Variants in IGSF23 observed in about 807,000 individuals in gnomAD.
The protein encoded by IGSF23 is immunoglobulin superfamily, member 23.
IGSF23 carries 14 observed loss-of-function variants against 17.8 expected under a neutral mutation model. The observed-to-expected ratio is 0.79, with a 90% CI of 0.52 to 1.23. IGSF23 has a LOEUF of 1.23. Among genes scored for constraint, IGSF23 ranks in the 50% most tolerant of loss-of-function variants. The pLI is 0.00. For synonymous variants in IGSF23, 85 were observed against 92.5 expected, an observed-to-expected ratio of 0.92 and a Z score of 0.46; for missense variants, 214 against 241.7, an observed-to-expected ratio of 0.89 and a Z score of 0.76.
intron 1 of IGSF23, among the ~76,000 whole-genome samples, chr19:44,622,845 A>AT (rs893366043): frequency 2.0e-5 from 3 of 151,720 alleles, no homozygotes; most frequent in Admixed American, 6.6e-5. Flanking sequence ...TGCCTGGAAC[A>AT]TTTTTTTCTT....
At chr19:44,634,835 G>T (rs2123730293) in intron 3 of IGSF23, among the ~76,000 whole-genome samples, 1 of 151,688 alleles carries the variant, frequency 6.6e-6, no homozygotes, top group African/African-American at 2.4e-5. Context: ...AAAAAACCCA[G>T]GGATGTGATT....
intron 1 of IGSF23, among the ~76,000 whole-genome samples, chr19:44,615,442 G>A (rs1172555829): frequency 6.6e-6 from 1 of 151,848 alleles, no homozygotes; most frequent in African/African-American, 2.4e-5. Flanking sequence ...TGACCAACAT[G>A]GAGAAACCCC....
Position 44,622,201 on chromosome 19 carries a change from G to A in IGSF23, c.126-1506G>A, listed in dbSNP as rs141000400. On this transcript the variant is annotated intron_variant, in intron 1 of 4. Transcript: ENST00000402988. ...AGCCTGGATGAAAAAGCAAAACTCCGTTTCAAGAAAAAAAAAAAAAAAAGA... is the reference window on the plus strand; with the variant it reads ...AGCCTGGATGAAAAAGCAAAACTCCATTTCAAGAAAAAAAAAAAAAAAAGA... Among the ~76,000 whole-genome samples the A allele has an allele frequency of 7.0e-3, 997 of 142,024 alleles. 9 individuals are homozygous for A. Among genetic ancestry groups the A allele is most frequent in the African/African-American group, 0.023 (871 of 37,944 alleles). The allele number at this position is 142,024 out of a possible 152,430, so 93.2% of individuals were successfully genotyped here.
chr19:44,616,266 TTATC>T (rs1290987627), intron 1 of IGSF23, among the ~76,000 whole-genome samples: 3 of 152,148 alleles, frequency 2.0e-5, no homozygotes, highest in African/African-American at 7.2e-5. Flanking sequence ...CCCAAAGTGG[TTATC>T]TGAGTATTAG....
intron 3 of IGSF23, among the ~76,000 whole-genome samples, chr19:44,631,407 G>A (rs1972763157): frequency 6.6e-6 from 1 of 152,150 alleles, no homozygotes; most frequent in Non-Finnish European, 1.5e-5. Context: ...GGCTAACATG[G>A]TAAAACCCCA....
rs984255175 is a variant in IGSF23, at chr19:44,613,956, G to C, written c.125+186G>C. 3.9e-6 allele frequency: 6 copies of C among 1,543,356 alleles called. No individual in the cohort carries two copies. The African/African-American group carries it at 8.2e-5, about 21-fold the overall frequency. ...AGGGGTCCTCTGGACGTCAGCTCCA[G>C]CCACACCCCTACCTGGAGGAAGCTG... On this transcript the variant is annotated intron_variant, in intron 1 of 4. Transcript: ENST00000402988.
At position 44,627,433 on chromosome 19, in the gene IGSF23, G is replaced by A. The variant is rs1439594960; in HGVS notation, c.405G>A (p.Gln135=). 3 of 1,543,090 alleles carry A rather than the reference G, an allele frequency of 1.9e-6. No homozygotes were observed. In the African/African-American group the frequency reaches 4.1e-5, roughly 21 times the overall value. Residue 135 remains glutamine (Q), a synonymous_variant, in exon 3 of 5, where the codon CAG becomes CAA. Coordinates refer to ENST00000402988, the MANE Select transcript of IGSF23 (RefSeq NM_001205280.2). Reference sequence around the variant, plus strand: ...CTTGGTCCCCAGAACCCATCATGCAGCCCACAGAAGCAGAGCCCATGGAGC... The same window carrying A: ...CTTGGTCCCCAGAACCCATCATGCAACCCACAGAAGCAGAGCCCATGGAGC... ...VTISLPKPIM[Q]PTEAEPMEPD...
rs1258227244 is a variant in IGSF23, at chr19:44,627,286, G to A, written c.392-134G>A. 9.1e-6 allele frequency: 8 copies of A among 874,828 alleles called. No homozygotes were observed. In the East Asian group the frequency reaches 2.2e-4, roughly 24 times the overall value. The allele number at this position is 874,828 out of a possible 1,614,324, so 54.2% of individuals were successfully genotyped here. ...TAGGGCAGGAGAGCAGGGAGGAGAG[G>A]GGGCCAGAGACCTGGAGGATGGAAG... is the stretch of plus-strand genomic sequence containing the variant. On this transcript the variant is annotated intron_variant, in intron 2 of 4. Transcript: ENST00000402988.
At chr19:44,625,790 C>A (rs754643173) in intron 2 of IGSF23, among the ~76,000 whole-genome samples, 1 of 152,108 alleles carries the variant, frequency 6.6e-6, no homozygotes. Context: ...ATGAGAGGGA[C>A]CCGGTAGGAG....
chr19:44,627,658 G>T (rs1972683527), intron 3 of IGSF23, 85 bp downstream of exon 3: 6 of 1,421,684 alleles, frequency 4.2e-6, no homozygotes, highest in Non-Finnish European at 5.7e-6. Context: ...AGGAAACAGA[G>T]ATGAAACCAA....
At chr19:44,628,833 G>C (rs886673986) in intron 3 of IGSF23, among the ~76,000 whole-genome samples, 3 of 152,178 alleles carry the variant, frequency 2.0e-5, no homozygotes, top group African/African-American at 7.2e-5. Context: ...TGGGAAGCAG[G>C]ACAAAGATTG....
chr19:44,632,169 AT>A, intron 3 of IGSF23: 1 of 332,444 alleles, frequency 3.0e-6, no homozygotes, highest in South Asian at 2.4e-5. Flanking sequence ...GTATGCCTCA[AT>A]TATAGGAGGA....
At chr19:44,627,339 G>A (rs1037711815) in intron 2 of IGSF23, 81 bp from the exon 3 acceptor site, 3 of 1,350,830 alleles carry the variant, frequency 2.2e-6, no homozygotes, top group African/African-American at 2.9e-5. Context: ...AGACACTTGG[G>A]AGGGGGAATG....
intron 1 of IGSF23, among the ~76,000 whole-genome samples, chr19:44,617,803 G>C (rs1972418774): frequency 6.6e-6 from 1 of 152,094 alleles, no homozygotes; most frequent in South Asian, 2.1e-4. Context: ...TGGAACAGAA[G>C]GACCCAGCCA....
At chr19:44,635,882 T>C (rs1972878696) in intron 4 of IGSF23, among the ~76,000 whole-genome samples, 1 of 152,216 alleles carries the variant, frequency 6.6e-6, no homozygotes, top group Non-Finnish European at 1.5e-5. Flanking sequence ...AGCCATTTAT[T>C]TAGCTTGCAA....
chr19:44,623,977 G>A lies in IGSF23; in HGVS notation c.391+5G>A, dbSNP rs1972579298. ...CTGTAACCATCTCGCTGCCAAGTGA[G>A]TCCCCCATTCCACCCCACCCCACCC... On this transcript the variant is annotated splice_donor_5th_base_variant and intron_variant, in intron 2 of 4. Coordinates refer to ENST00000402988, the MANE Select transcript of IGSF23 (RefSeq NM_001205280.2). 2 of 1,546,050 alleles carry A rather than the reference G, an allele frequency of 1.3e-6. No homozygotes were observed. The highest frequency in any genetic ancestry group is 1.7e-6 in the Non-Finnish European group (2 of 1,145,532).
intron 1 of IGSF23, among the ~76,000 whole-genome samples, chr19:44,621,930 C>T (rs1447367200): frequency 6.6e-6 from 1 of 152,098 alleles, no homozygotes; most frequent in African/African-American, 2.4e-5. Context: ...ACAGTAAGAG[C>T]CCAATCCATG....
At chr19:44,623,638 CA>C in intron 1 of IGSF23, 68 bp from the exon 2 acceptor site, 2 of 1,402,528 alleles carry the variant, frequency 1.4e-6, no homozygotes, top group East Asian at 5.0e-5. Context: ...CTATGGTGGG[CA>C]GAAGAAATGC....
intron 1 of IGSF23, among the ~76,000 whole-genome samples, chr19:44,620,261 G>T (rs1026836901): frequency 6.6e-6 from 1 of 151,984 alleles, no homozygotes; most frequent in Non-Finnish European, 1.5e-5. Context: ...TCTGCACAGA[G>T]GGGTTTTTAC....
Sources: allele counts gnomAD v4.1 joint callset (sites outside exome capture counted in the v4.1 genomes callset), GRCh38; gene constraint gnomAD v4.1.1; transcripts MANE v1.5; gene names NCBI Gene and HGNC (gene_info 2026-07-23, HGNC 2026-07-21).